NEMF: variants seen among roughly 807,000 people sequenced by gnomAD.
NEMF encodes ribosome quality control complex subunit NEMF.
In NEMF, 89 loss-of-function variants were observed where a neutral mutation model predicts 162.2. That is an observed-to-expected ratio of 0.55 (90% CI 0.46 to 0.65). The LOEUF is 0.65. Among genes scored for constraint, NEMF ranks in the 30% least tolerant of loss-of-function variants. NEMF has a pLI of 0.00. For synonymous variants in NEMF, 421 were observed against 404.5 expected (o/e 1.04, Z -0.49); for missense variants, 1,133 against 1,261.9 (o/e 0.90, Z 1.55).
chr14:49,791,014 A>G (rs756602109), intron 26 of NEMF, among the ~76,000 whole-genome samples: 1 of 152,048 alleles, frequency 6.6e-6, no homozygotes, highest in Non-Finnish European at 1.5e-5. Context: ...AAAAATGTCA[A>G]GTGGGGATAT....
intron 16 of NEMF, among the ~76,000 whole-genome samples, chr14:49,823,411 C>CA (rs894575148): frequency 4.2e-4 from 57 of 134,780 alleles, no homozygotes; most frequent in East Asian, 2.3e-3. Flanking sequence ...TTCCAAGAAC[C>CA]AAAAAAAAAA....
chr14:49,837,481 C>A (rs1206296042), intron 6 of NEMF, among the ~76,000 whole-genome samples: 1 of 151,760 alleles, frequency 6.6e-6, no homozygotes, highest in Non-Finnish European at 1.5e-5. Flanking sequence ...TGAGACCCTA[C>A]CTCTAAAACA....
chr14:49,801,367 A>T (rs1393156307), intron 22 of NEMF: 1 of 152,156 alleles, frequency 6.6e-6, no homozygotes, highest in Non-Finnish European at 1.5e-5. Context: ...AGGCGCCTGT[A>T]ATCCTAGCTA....
chr14:49,790,797 C>T (rs549395065), intron 26 of NEMF, among the ~76,000 whole-genome samples: 2 of 152,190 alleles, frequency 1.3e-5, no homozygotes, highest in African/African-American at 4.8e-5. Context: ...CAAGACCAGC[C>T]TGACCAACAT....
Position 49,829,015 on chromosome 14 carries a change from AAGACAAGCATTAACTGCTTGACT to A in NEMF, c.1232+16_1232+38del. 10 of 1,533,196 alleles carry A rather than the reference AAGACAAGCATTAACTGCTTGACT, an allele frequency of 6.5e-6. No homozygotes were observed. The highest frequency in any genetic ancestry group is 8.9e-6 in the Non-Finnish European group (10 of 1,119,360). 95.0% of individuals were successfully genotyped at this position (1,533,196 alleles called of 1,614,324 possible). On this transcript the variant is annotated intron_variant, in intron 13 of 32. Coordinates refer to ENST00000298310, the MANE Select transcript of NEMF (RefSeq NM_004713.6). ...AGTGAACAATTAAAATAACAAAATA[AAGACAAGCATTAACTGCTTGACT>A]AAGAGTCAAACTTACCTTAGCAGCA...
chr14:49,834,558 A>ACG, intron 6 of NEMF, 109 bp from the exon 7 acceptor site: 1 of 703,108 alleles, frequency 1.4e-6, no homozygotes, highest in Non-Finnish European at 2.4e-6. Flanking sequence ...GCAATGGTGC[A>ACG]ATCTTGGCTC....
chr14:49,802,751 T>C, intron 20 of NEMF, 24 bp from the exon 21 acceptor site: 1 of 1,569,320 alleles, frequency 6.4e-7, no homozygotes, highest in South Asian at 1.1e-5. Flanking sequence ...CGTACATTAA[T>C]GCTTTGAAAA....
At chr14:49,832,704 T>C (rs563173237) in intron 8 of NEMF, among the ~76,000 whole-genome samples, 1 of 152,214 alleles carries the variant, frequency 6.6e-6, no homozygotes, top group Non-Finnish European at 1.5e-5. Context: ...ATATTAATTT[T>C]AATTTTCTAT....
intron 14 of NEMF, 36 bp from the exon 15 acceptor site, chr14:49,828,390 AT>A: frequency 7.5e-7 from 1 of 1,336,654 alleles, no homozygotes; most frequent in Non-Finnish European, 1.0e-6. Flanking sequence ...TTTAAGTATA[AT>A]ATTTATTCTT....
chr14:49,842,959 T>TC (rs2140014707), intron 4 of NEMF, among the ~76,000 whole-genome samples: 2 of 149,968 alleles, frequency 1.3e-5, no homozygotes, highest in African/African-American at 4.9e-5. Context: ...TGAGCCAAGA[T>TC]CACACCACTG....
intron 4 of NEMF, among the ~76,000 whole-genome samples, chr14:49,844,034 G>A: frequency 6.6e-6 from 1 of 151,834 alleles, no homozygotes; most frequent in East Asian, 1.9e-4. Flanking sequence ...GGGAGGCAGA[G>A]GTTGCAGTGA....
At chr14:49,819,144 C>CT (rs1414987268) in intron 16 of NEMF, among the ~76,000 whole-genome samples, 1 of 152,014 alleles carries the variant, frequency 6.6e-6, no homozygotes, top group African/African-American at 2.4e-5. Context: ...TGCGGTAGGG[C>CT]TGATGTAGGT....
At position 49,784,047 on chromosome 14, in the gene NEMF, C is replaced by G. The variant is rs1361723454; in HGVS notation, c.*589G>C. The G allele has an allele frequency of 6.6e-6, 1 of 151,578 alleles. No individual in the cohort carries two copies. The highest frequency in any genetic ancestry group is 1.5e-5 in the Non-Finnish European group (1 of 67,910). The allele number at this position is 151,578 out of a possible 1,614,324, so 9.4% of individuals were successfully genotyped here. A position where few individuals can be genotyped will look rare whatever the true frequency, so the allele number is the denominator to read the frequency against. On this transcript the variant is annotated 3_prime_UTR_variant, in exon 33 of 33. Transcript: ENST00000298310. ...ACTTCACTGTTCAGTTTCTTTACAT[C>G]ATGAAATGAATACTTGGTATTAACC...
chr14:49,842,604 T>A (rs976364610), intron 4 of NEMF, among the ~76,000 whole-genome samples: 1 of 152,234 alleles, frequency 6.6e-6, no homozygotes, highest in Non-Finnish European at 1.5e-5. Context: ...GTGGGAGTAA[T>A]CCCAAATTCA....
chr14:49,784,827 C>T (rs769397421), intron 32 of NEMF, 98 bp downstream of exon 32: 73 of 1,398,344 alleles, frequency 5.2e-5, no homozygotes, highest in Non-Finnish European at 7.1e-5. Context: ...TTTACTGCTT[C>T]TAATAAGACA....
chr14:49,803,588 C>T (rs1304963174), intron 19 of NEMF, among the ~76,000 whole-genome samples: 1 of 150,992 alleles, frequency 6.6e-6, no homozygotes, highest in East Asian at 1.9e-4. Context: ...TGCAGTGGCA[C>T]AATCTCGGCT....
chr14:49,813,530 C>G (rs1891575653), intron 18 of NEMF, among the ~76,000 whole-genome samples: 1 of 152,166 alleles, frequency 6.6e-6, no homozygotes, highest in Non-Finnish European at 1.5e-5. Context: ...GTAGAACTAT[C>G]TCTCTCTCCC....
At chr14:49,828,409 C>T in intron 14 of NEMF, 55 bp from the exon 15 acceptor site, 1 of 1,173,144 alleles carries the variant, frequency 8.5e-7, no homozygotes, top group South Asian at 1.4e-5. Flanking sequence ...CTTCAGTTTT[C>T]TACTTAGTTC....
chr14:49,792,524 T>A (rs1311340036), intron 26 of NEMF, among the ~76,000 whole-genome samples: 3 of 152,188 alleles, frequency 2.0e-5, no homozygotes, highest in Non-Finnish European at 4.4e-5. Flanking sequence ...AATCTCCATT[T>A]TATACAAAGT....
Sources: allele counts gnomAD v4.1 joint callset (sites outside exome capture counted in the v4.1 genomes callset), GRCh38; gene constraint gnomAD v4.1.1; transcripts MANE v1.5; gene names NCBI Gene and HGNC (gene_info 2026-07-23, HGNC 2026-07-21).